Variants in HHAT observed in about 807,000 individuals in gnomAD.
The protein encoded by HHAT is protein-cysteine N-palmitoyltransferase HHAT.
HHAT carries 47 observed loss-of-function variants against 70.8 expected under a neutral mutation model. That is an observed-to-expected ratio of 0.66 (90% CI 0.53 to 0.85). The LOEUF (loss-of-function observed/expected upper bound fraction) is 0.85. HHAT is among the 40% of genes least tolerant of loss of function. The pLI is 0.00. For missense variants in HHAT, 609 were observed against 604.8 expected (o/e 1.01, Z -0.07); for synonymous variants, 228 against 247.6 (o/e 0.92, Z 0.74).
chr1:210,399,931 C>CA (rs1202341786), intron 4 of HHAT, among the ~76,000 whole-genome samples: 6 of 152,070 alleles, frequency 3.9e-5, no homozygotes, highest in Non-Finnish European at 8.8e-5. Context: ...AATCAATATG[C>CA]AAAAAATCAA....
chr1:210,670,245 T>G (rs1458981592), intron 11 of HHAT, among the ~76,000 whole-genome samples: 1 of 152,204 alleles, frequency 6.6e-6, no homozygotes, highest in East Asian at 1.9e-4. Context: ...CCTGCCCCCC[T>G]GGGCCACATC....
chr1:210,661,880 T>A (rs1203146329), intron 11 of HHAT, among the ~76,000 whole-genome samples: 3 of 152,178 alleles, frequency 2.0e-5, no homozygotes, highest in Non-Finnish European at 4.4e-5. Context: ...AAATACCTAA[T>A]GTAAATGACG....
intron 10 of HHAT, among the ~76,000 whole-genome samples, chr1:210,601,956 A>AGAGAGAGAGAGAGAGTGT (rs374229402): frequency 2.2e-5 from 2 of 91,176 alleles, no homozygotes; most frequent in African/African-American, 7.2e-5. Context: ...AGAGAGAGAG[A>AGAGAGAGAGAGAGAGTGT]GTATGTGTGT....
At chr1:210,582,014 G>A (rs1406917591) in intron 9 of HHAT, among the ~76,000 whole-genome samples, 2 of 152,088 alleles carry the variant, frequency 1.3e-5, no homozygotes, top group African/African-American at 4.8e-5. Flanking sequence ...ACACATTTTG[G>A]TAAAAAGCTG....
chr1:210,568,631 G>A (rs1204894297), intron 9 of HHAT, among the ~76,000 whole-genome samples: 1 of 152,212 alleles, frequency 6.6e-6, no homozygotes, highest in African/African-American at 2.4e-5. Flanking sequence ...AGAATTTTCT[G>A]GGGTTTAAAT....
chr1:210,424,860 A>G (rs971263735), intron 7 of HHAT, among the ~76,000 whole-genome samples: 2 of 152,172 alleles, frequency 1.3e-5, no homozygotes, highest in African/African-American at 2.4e-5. Context: ...CTCAGTATAT[A>G]CCCAGTAATG....
chr1:210,568,339 A>T (rs547800524), intron 9 of HHAT, among the ~76,000 whole-genome samples: 1 of 152,334 alleles, frequency 6.6e-6, no homozygotes, highest in African/African-American at 2.4e-5. Flanking sequence ...AATCTTTATA[A>T]TAACAATTTA....
chr1:210,540,483 ACACACACGCACACACACATG>A (rs2095418135), intron 9 of HHAT, among the ~76,000 whole-genome samples: 3 of 99,924 alleles, frequency 3.0e-5, no homozygotes, highest in East Asian at 2.1e-4. Context: ...ACACACATGC[ACACACACGCACACACACATG>A]CACACACACA....
At chr1:210,631,121 G>T (rs926792045) in intron 11 of HHAT, 1 of 456,358 alleles carries the variant, frequency 2.2e-6, no homozygotes, top group Admixed American at 2.4e-5. Flanking sequence ...ATTTTTCCTG[G>T]AATATTTGTA....
At chr1:210,372,751 G>C (rs946717791) in intron 3 of HHAT, among the ~76,000 whole-genome samples, 1 of 150,866 alleles carries the variant, frequency 6.6e-6, no homozygotes, top group African/African-American at 2.4e-5. Flanking sequence ...TAGACTTTCA[G>C]TGCTTTGGGT....
chr1:210,553,397 A>AG (rs2095544667), intron 9 of HHAT, among the ~76,000 whole-genome samples: 1 of 152,138 alleles, frequency 6.6e-6, no homozygotes, highest in African/African-American at 2.4e-5. Context: ...TTCCAGATGG[A>AG]GGGGAGGACA....
At chr1:210,522,447 G>A (rs1223606733) in intron 9 of HHAT, among the ~76,000 whole-genome samples, 1 of 152,152 alleles carries the variant, frequency 6.6e-6, no homozygotes, top group Non-Finnish European at 1.5e-5. Flanking sequence ...AACCAAAATA[G>A]GCCCCAAAGA....
chr1:210,615,079 T>A (rs181483237), intron 10 of HHAT, among the ~76,000 whole-genome samples: 28 of 152,332 alleles, frequency 1.8e-4, no homozygotes, highest in Middle Eastern at 3.4e-3. Context: ...ACCTATTGTT[T>A]CCTGACTTTT....
chr1:210,577,658 TTTTTTTC>T lies in HHAT; in HGVS notation c.1044-10239_1044-10233del, dbSNP rs1282774006. ...TAGGATTTTTTTTTTTTTTTTTTTT[TTTTTTTC>T]GAAATGGAGTCTCACTCTGTCACCC... is the stretch of plus-strand genomic sequence containing the variant. On this transcript the variant is annotated intron_variant, in intron 9 of 11. Transcript: ENST00000261458. 8.9e-3 allele frequency among the ~76,000 whole-genome samples: 1,145 copies of T among 129,146 alleles called. 47 individuals carry two copies. The highest frequency in any genetic ancestry group is 0.033 in the African/African-American group (958 of 29,304). The allele number at this position is 129,146 out of a possible 152,430, so 84.7% of individuals were successfully genotyped here.
In HHAT at chr1:210,451,074, G is replaced by A. The variant is rs544972801; in HGVS notation, c.857-13431G>A. Among the ~76,000 whole-genome samples the A allele has an allele frequency of 1.4e-4, 19 of 137,386 alleles. No homozygotes were observed. The East Asian group carries it at 3.2e-3, about 23-fold the overall frequency. The allele number at this position is 137,386 out of a possible 152,430, so 90.1% of individuals were successfully genotyped here. ...TGCGCTCCAGCCTGGGCAACAGAGC[G>A]AGACTCCATCTCCAAAAAAAAAAAA... On this transcript the variant is annotated intron_variant, in intron 7 of 11. Coordinates refer to ENST00000261458, the MANE Select transcript of HHAT (RefSeq NM_018194.6).
intron 3 of HHAT, among the ~76,000 whole-genome samples, chr1:210,383,347 C>T (rs939811923): frequency 1.3e-5 from 2 of 151,862 alleles, no homozygotes; most frequent in African/African-American, 4.8e-5. Context: ...CAAAAAAGAG[C>T]TTCAAATCAC....
chr1:210,519,910 C>T (rs2095126742), intron 9 of HHAT, among the ~76,000 whole-genome samples: 1 of 147,006 alleles, frequency 6.8e-6, no homozygotes, highest in African/African-American at 2.5e-5. Flanking sequence ...ATTTGCATTT[C>T]CATGATGATG....
At chr1:210,595,254 T>C (rs1407521033) in intron 10 of HHAT, among the ~76,000 whole-genome samples, 4 of 152,160 alleles carry the variant, frequency 2.6e-5, no homozygotes, top group Non-Finnish European at 5.9e-5. Context: ...CTGAGAATGA[T>C]GGTTTCCAGC....
At chr1:210,508,543 A>G (rs542193762) in intron 8 of HHAT, among the ~76,000 whole-genome samples, 66 of 152,182 alleles carry the variant, frequency 4.3e-4, no homozygotes, top group Middle Eastern at 3.4e-3. Context: ...AGGCATATAC[A>G]TTCTTTAAGC....
Sources: allele counts gnomAD v4.1 joint callset (sites outside exome capture counted in the v4.1 genomes callset), GRCh38; gene constraint gnomAD v4.1.1; transcripts MANE v1.5; gene names NCBI Gene and HGNC (gene_info 2026-07-23, HGNC 2026-07-21).